Variants in IL21R observed in about 807,000 individuals in gnomAD.
IL21R encodes interleukin 21 receptor, also known as interleukin-21 receptor.
A neutral mutation model predicts 41.3 loss-of-function variants in IL21R; 14 were observed. That is an observed-to-expected ratio of 0.34 (90% CI 0.22 to 0.53). IL21R has a LOEUF of 0.53. Ranked by LOEUF, IL21R falls within the 20% of genes least tolerant of loss-of-function variation. The pLI, the probability that IL21R is intolerant of heterozygous loss-of-function variation, is 0.94. For missense variants in IL21R, 588 were observed against 681.6 expected (o/e 0.86, Z 1.53); for synonymous variants, 286 against 287.6 (o/e 0.99, Z 0.05).
At chr16:27,440,884 C>G (rs781764616) in intron 4 of IL21R, among the ~76,000 whole-genome samples, 9 of 151,784 alleles carry the variant, frequency 5.9e-5, no homozygotes, top group Non-Finnish European at 1.0e-4. Flanking sequence ...AACTACTTCT[C>G]TACTAAAAAT....
At chr16:27,410,674 A>G (rs1279197092) in intron 1 of IL21R, among the ~76,000 whole-genome samples, 1 of 152,176 alleles carries the variant, frequency 6.6e-6, no homozygotes, top group Admixed American at 6.5e-5. Flanking sequence ...TTTGGATTTT[A>G]TTAACCAGTA....
chr16:27,403,307 G>T, intron 1 of IL21R: 2 of 1,249,676 alleles, frequency 1.6e-6, no homozygotes, highest in Non-Finnish European at 2.1e-6. Flanking sequence ...GATGGGAAAG[G>T]AAGAACATTC....
At chr16:27,440,721 TGA>T (rs1315607497) in intron 4 of IL21R, among the ~76,000 whole-genome samples, 1 of 151,770 alleles carries the variant, frequency 6.6e-6, no homozygotes, top group African/African-American at 2.4e-5. Context: ...AATCACAGGG[TGA>T]GAGGTGCAGA....
At chr16:27,429,290 G>C (rs1041166412) in intron 1 of IL21R, among the ~76,000 whole-genome samples, 1 of 152,094 alleles carries the variant, frequency 6.6e-6, no homozygotes, top group African/African-American at 2.4e-5. Flanking sequence ...TAGGAAGGAA[G>C]ATCCAAAATT....
At chr16:27,437,748 A>T (rs2087299267) in intron 4 of IL21R, 61 bp downstream of exon 4, 3 of 1,400,334 alleles carry the variant, frequency 2.1e-6, no homozygotes, top group Non-Finnish European at 3.0e-6. Context: ...CGCAGCCCTG[A>T]CCTCTCTGGG....
In IL21R at chr16:27,450,607, A is replaced by G. The variant is rs2087577817; in HGVS notation, c.*1324A>G. 9.2e-6 allele frequency: 2 copies of G among 216,700 alleles called. No homozygotes were observed. The highest frequency in any genetic ancestry group is 2.3e-5 in the African/African-American group (1 of 43,708). 13.4% of individuals were successfully genotyped at this position (216,700 alleles called of 1,614,324 possible). A position where few individuals can be genotyped will look rare whatever the true frequency, so the allele number is the denominator to read the frequency against. On this transcript the variant is annotated 3_prime_UTR_variant, in exon 9 of 9. Coordinates refer to ENST00000337929, the MANE Select transcript of IL21R (RefSeq NM_181078.3). ...CTTTTTTTTTTTTTTCTTTTGAGAC[A>G]GAGTCTCACTCTCGTCGCCCAGGCT... is the stretch of plus-strand genomic sequence containing the variant.
Position 27,448,672 on chromosome 16 carries a change from G to T in IL21R, c.1006G>T (p.Glu336Ter). 1 of 1,613,170 alleles carries T rather than the reference G, an allele frequency of 6.2e-7. No homozygotes were observed. Among genetic ancestry groups the T allele is most frequent in the Non-Finnish European group, 8.5e-7 (1 of 1,180,014 alleles). Residue 336 changes from glutamate (E) to a stop codon, truncating the protein, a stop_gained, in exon 9 of 9, where the codon GAA (glutamate) becomes TAA (stop). Transcript: ENST00000337929. LOFTEE classifies it low-confidence loss of function (END_TRUNC). ...GAGGCTGCAGCTCACGGAGCTACAA[G>T]AACCAGCAGAGCTGGTGGAGTCTGA... ...AKRLQLTELQ[E>*]PAELVESDGV...
At chr16:27,443,541 T>C (rs1161411720) in intron 5 of IL21R, among the ~76,000 whole-genome samples, 1 of 152,110 alleles carries the variant, frequency 6.6e-6, no homozygotes, top group Non-Finnish European at 1.5e-5. Flanking sequence ...CCCAGCACTT[T>C]GGAGGCCAAG....
chr16:27,432,549 G>T (rs2087193054), intron 2 of IL21R, among the ~76,000 whole-genome samples: 1 of 152,196 alleles, frequency 6.6e-6, no homozygotes, highest in East Asian at 1.9e-4. Context: ...TCCCTTGGTA[G>T]CTTTGAGCCT....
At chr16:27,426,169 G>A (rs541955573) in intron 1 of IL21R, among the ~76,000 whole-genome samples, 3 of 152,312 alleles carry the variant, frequency 2.0e-5, no homozygotes, top group South Asian at 4.1e-4. Flanking sequence ...GAAAGGTTAA[G>A]CAAACTGCCC....
intron 1 of IL21R, among the ~76,000 whole-genome samples, chr16:27,425,987 A>G (rs1178760827): frequency 6.6e-6 from 1 of 152,160 alleles, no homozygotes; most frequent in East Asian, 1.9e-4. Context: ...GTTGTATTGT[A>G]TTTAGTTTTA....
intron 1 of IL21R, among the ~76,000 whole-genome samples, chr16:27,414,200 A>G (rs1160935756): frequency 9.1e-5 from 4 of 43,728 alleles, no homozygotes; most frequent in Non-Finnish European, 1.3e-4. Flanking sequence ...GATCGTAATT[A>G]GATTAAAGAA....
Position 27,443,207 on chromosome 16 carries a change from ACAT to A in IL21R, c.507+95_507+97del, listed in dbSNP as rs1342046280. On this transcript the variant is annotated intron_variant, in intron 5 of 8. Transcript: ENST00000337929. The stretch of plus-strand genomic sequence containing the variant: ...TCTGGGTGGGAGAGACGGGTGAACA[ACAT>A]CATTCATGGCCAAGAACAGAGACCA... 9.1e-6 allele frequency: 11 copies of A among 1,209,290 alleles called. No homozygotes were observed. In the African/African-American group the frequency reaches 1.7e-4, roughly 19 times the overall value. The allele number at this position is 1,209,290 out of a possible 1,614,324, so 74.9% of individuals were successfully genotyped here.
Position 27,445,279 on chromosome 16 carries a change from G to T in IL21R, c.785+3G>T. 1 of 1,604,298 alleles carries T rather than the reference G, an allele frequency of 6.2e-7. No homozygotes were observed. Among genetic ancestry groups the T allele is most frequent in the South Asian group, 1.1e-5 (1 of 90,724 alleles). ...CTGAAGACCCATCCATTGTGGAGGT[G>T]AGGCCAGGGGATGAGGAAGGCAGGG... On this transcript the variant is annotated splice_donor_region_variant and intron_variant, in intron 7 of 8. Coordinates refer to ENST00000337929, the MANE Select transcript of IL21R (RefSeq NM_181078.3).
chr16:27,433,312 A>G, intron 2 of IL21R, among the ~76,000 whole-genome samples: 1 of 152,086 alleles, frequency 6.6e-6, no homozygotes, highest in East Asian at 1.9e-4. Context: ...ACAAAAACAC[A>G]AAAATTATCC....
At chr16:27,423,844 A>G (rs1420961991) in intron 1 of IL21R, among the ~76,000 whole-genome samples, 2 of 152,242 alleles carry the variant, frequency 1.3e-5, no homozygotes, top group East Asian at 1.9e-4. Context: ...ACCAGTTTAC[A>G]TAAGAGTGAA....
At chr16:27,419,022 C>T (rs1014780718) in intron 1 of IL21R, among the ~76,000 whole-genome samples, 1 of 152,020 alleles carries the variant, frequency 6.6e-6, no homozygotes, top group Non-Finnish European at 1.5e-5. Flanking sequence ...CGAGACCAGC[C>T]TGGCCAACAT....
intron 1 of IL21R, among the ~76,000 whole-genome samples, chr16:27,408,926 G>A (rs1017566533): frequency 6.6e-6 from 1 of 152,148 alleles, no homozygotes; most frequent in African/African-American, 2.4e-5. Flanking sequence ...TCCAGTGTGG[G>A]GAGGTTGTAA....
At chr16:27,418,561 G>A (rs1004654312) in intron 1 of IL21R, among the ~76,000 whole-genome samples, 18 of 151,800 alleles carry the variant, frequency 1.2e-4, no homozygotes, top group African/African-American at 3.1e-4. Flanking sequence ...TAGTAGAGAC[G>A]GGGTTTCACC....
Sources: gnomAD v4.1 joint callset for allele counts (sites outside exome capture counted in the v4.1 genomes callset) on GRCh38, gnomAD v4.1.1 for gene constraint, MANE v1.5 for transcripts, NCBI Gene and HGNC (gene_info 2026-07-23, HGNC 2026-07-21) for gene names.